Variants in COMT observed in about 807,000 individuals in gnomAD.
The protein encoded by COMT is catechol-O-methyltransferase, also known as catechol O-methyltransferase.
In COMT, 13 loss-of-function variants were observed where a neutral mutation model predicts 18.9. That is an observed-to-expected ratio of 0.69 (90% CI 0.45 to 1.09). The LOEUF (loss-of-function observed/expected upper bound fraction) is 1.09, where lower values mean the gene tolerates loss of function less well. Among genes scored for constraint, COMT ranks in the 50% least tolerant of loss-of-function variants. The pLI, the probability that COMT is intolerant of heterozygous loss-of-function variation, is 0.00. For missense variants in COMT, 329 were observed against 361.8 expected, an observed-to-expected ratio of 0.91 and a Z score of 0.73; for synonymous variants, 150 against 160.9, an observed-to-expected ratio of 0.93 and a Z score of 0.51.
chr22:19,950,235 T>A (rs947113032), intron 1 of COMT, among the ~76,000 whole-genome samples: 4 of 115,960 alleles, frequency 3.4e-5, no homozygotes, highest in Non-Finnish European at 5.4e-5. Context: ...TCTTTTCTTT[T>A]CTTTTCTTTT....
Position 19,968,750 on chromosome 22 carries a change from C to T in COMT, c.*14C>T. 2 of 1,605,312 alleles carry T rather than the reference C, an allele frequency of 1.2e-6. No individual in the cohort carries two copies. The highest frequency in any genetic ancestry group is 1.3e-5 in the African/African-American group (1 of 74,960). The stretch of plus-strand genomic sequence containing the variant: ...GCAGGGCCCTGACTGCCCCCCCGGC[C>T]CCCCTCTCGGGCTCTCTCACCCAGC... On this transcript the variant is annotated 3_prime_UTR_variant, in exon 6 of 6. Transcript: ENST00000361682.
chr22:19,942,586 T>C (rs737866), intron 1 of COMT, among the ~76,000 whole-genome samples: 35,379 of 152,112 alleles, frequency 0.23, 4,397 homozygotes, highest in Middle Eastern at 0.34. Flanking sequence ...TTTTGGATTT[T>C]TCCAGCCAGG....
chr22:19,962,848 G>C (rs1201883589), intron 3 of COMT, 33 bp downstream of exon 3: 1 of 1,583,948 alleles, frequency 6.3e-7, no homozygotes, highest in Non-Finnish European at 8.6e-7. Flanking sequence ...CTCAGCTCTG[G>C]GACAGGGACC....
chr22:19,966,912 C>A, intron 5 of COMT: 1 of 983,026 alleles, frequency 1.0e-6, no homozygotes, highest in Non-Finnish European at 1.2e-6. Flanking sequence ...GTCACCTGCT[C>A]CTCTGACACT....
chr22:19,957,828 T>G (rs1049768049), intron 1 of COMT, among the ~76,000 whole-genome samples: 6 of 152,258 alleles, frequency 3.9e-5, no homozygotes, highest in African/African-American at 1.4e-4. Flanking sequence ...AGGCAGCCGG[T>G]GCAGAAGGTT....
At chr22:19,958,972 C>T (rs962768937) in intron 1 of COMT, among the ~76,000 whole-genome samples, 1 of 152,188 alleles carries the variant, frequency 6.6e-6, no homozygotes, top group African/African-American at 2.4e-5. Context: ...TGCACCCCAC[C>T]GCCCCCCACC....
At chr22:19,942,264 T>G (rs1941748676) in intron 1 of COMT, among the ~76,000 whole-genome samples, 1 of 151,954 alleles carries the variant, frequency 6.6e-6, no homozygotes. Flanking sequence ...GGTGAGGGTG[T>G]GGTAGAGTCA....
chr22:19,964,815 C>G, intron 5 of COMT: 1 of 298,214 alleles, frequency 3.4e-6, no homozygotes, highest in Non-Finnish European at 6.4e-6. Flanking sequence ...GTGGGGCTGT[C>G]CTCGCTTCCC....
chr22:19,944,365 G>A (rs939939688), intron 1 of COMT, among the ~76,000 whole-genome samples: 44 of 152,196 alleles, frequency 2.9e-4, no homozygotes, highest in African/African-American at 1.0e-3. Context: ...TGGCTAACAT[G>A]GCAAAACCCT....
At chr22:19,964,735 T>G (rs1942298479) in intron 5 of COMT, 3 of 461,070 alleles carry the variant, frequency 6.5e-6, no homozygotes, top group African/African-American at 3.9e-5. Context: ...TGAGGCCCCA[T>G]CTTGTGCATT....
At position 19,963,601 on chromosome 22, in the gene COMT, C is replaced by A; in HGVS notation, c.325C>A (p.Pro109Thr). The change falls in exon 4 of 6, where the codon CCC becomes ACC. Residue 109 changes from proline (P) to threonine (T), a missense_variant. Coordinates refer to ENST00000361682, the MANE Select transcript of COMT (RefSeq NM_000754.4). ...GGACGCCGTGATTCAGGAGCACCAG[C>A]CCTCCGTGCTGCTGGAGCTGGGGGC... ...IVDAVIQEHQ[P>T]SVLLELGAYC... The A allele has an allele frequency of 6.2e-7, 1 of 1,612,890 alleles. No homozygotes were observed. Among genetic ancestry groups the A allele is most frequent in the Non-Finnish European group, 8.5e-7 (1 of 1,180,000 alleles).
intron 1 of COMT, among the ~76,000 whole-genome samples, chr22:19,950,392 A>G (rs1307589787): frequency 2.0e-5 from 3 of 151,622 alleles, no homozygotes; most frequent in African/African-American, 7.3e-5. Flanking sequence ...CCTATTTTAT[A>G]TTTTTATCTG....
chr22:19,951,447 A>T (rs1422447107), intron 1 of COMT: 1 of 151,274 alleles, frequency 6.6e-6, no homozygotes, highest in African/African-American at 2.4e-5. Flanking sequence ...GTCTGTCCTC[A>T]CTGCTGCATC....
intron 5 of COMT, chr22:19,965,665 A>C (rs9306234): frequency 0.38 from 57,288 of 152,214 alleles, 11,049 homozygotes; most frequent in Middle Eastern, 0.47. Flanking sequence ...AAACAACAAA[A>C]AACAACAAAA....
chr22:19,943,125 A>C (rs1316994124), intron 1 of COMT, among the ~76,000 whole-genome samples: 2 of 152,184 alleles, frequency 1.3e-5, no homozygotes, highest in Non-Finnish European at 2.9e-5. Context: ...GGTGAGGCCC[A>C]GTGGAGAAGG....
chr22:19,956,982 A>C (rs921641643), intron 1 of COMT, among the ~76,000 whole-genome samples: 5 of 145,510 alleles, frequency 3.4e-5, no homozygotes, highest in Non-Finnish European at 4.5e-5. Context: ...ACGGAGTCTC[A>C]CTCTGTTACC....
chr22:19,962,892 C>G (rs1196640865), intron 3 of COMT, 77 bp downstream of exon 3: 12 of 1,517,014 alleles, frequency 7.9e-6, no homozygotes, highest in Non-Finnish European at 1.1e-5. Flanking sequence ...ACAGGAGAAG[C>G]TGTTATCACC....
Position 19,959,854 on chromosome 22 carries a change from A to G in COMT, c.-91-1345A>G, listed in dbSNP as rs527562945. Among the ~76,000 whole-genome samples, 3 of 29,312 alleles carry G rather than the reference A, an allele frequency of 1.0e-4. No homozygotes were observed. In the South Asian group the frequency reaches 3.2e-3, roughly 31 times the overall value. 19.2% of individuals were successfully genotyped at this position (29,312 alleles called of 152,430 possible). A position where few individuals can be genotyped will look rare whatever the true frequency, so the allele number is the denominator to read the frequency against. On this transcript the variant is annotated intron_variant, in intron 1 of 5. Transcript: ENST00000361682. The stretch of plus-strand genomic sequence containing the variant: ...GTTGGCCGCAGAGCCTTTGGCCTTG[A>G]GCACTTCCCCAGCCCCCATGGCTCT...
At chr22:19,954,087 T>C (rs1387536607) in intron 1 of COMT, among the ~76,000 whole-genome samples, 1 of 152,142 alleles carries the variant, frequency 6.6e-6, no homozygotes, top group Non-Finnish European at 1.5e-5. Context: ...CTTGCCTCTC[T>C]CAGCCCAGCC....
Sources: gnomAD v4.1 joint callset for allele counts (sites outside exome capture counted in the v4.1 genomes callset) on GRCh38, gnomAD v4.1.1 for gene constraint, MANE v1.5 for transcripts, NCBI Gene and HGNC (gene_info 2026-07-23, HGNC 2026-07-21) for gene names.